The following ITPK1 variants were observed in gnomAD, a reference collection of about 807,000 sequenced individuals.
ITPK1 encodes inositol 1,3,4-trisphosphate 5/6-kinase.
ITPK1 carries 21 observed loss-of-function variants against 45.3 expected under a neutral mutation model. That is an observed-to-expected ratio of 0.46 (90% confidence interval 0.33 to 0.67). The LOEUF (loss-of-function observed/expected upper bound fraction) is 0.67, where lower values mean the gene tolerates loss of function less well. ITPK1 is among the 30% of genes least tolerant of loss of function. ITPK1 has a pLI of 0.02. For synonymous variants in ITPK1, 258 were observed against 253.6 expected (o/e 1.02, Z -0.16); for missense variants, 474 against 573.5 (o/e 0.83, Z 1.77).
At chr14:92,954,160 G>A (rs1280101948) in intron 8 of ITPK1, among the ~76,000 whole-genome samples, 1 of 152,240 alleles carries the variant, frequency 6.6e-6, no homozygotes, top group East Asian at 1.9e-4. Context: ...CTCCCAAAGT[G>A]CTGGGGATAT....
chr14:92,988,266 G>A (rs1411016761), intron 5 of ITPK1, among the ~76,000 whole-genome samples: 1 of 152,180 alleles, frequency 6.6e-6, no homozygotes, highest in Admixed American at 6.5e-5. Context: ...ACTGGGGGAG[G>A]CATGGGCAGG....
chr14:92,966,863 A>C (rs1885396455), intron 5 of ITPK1, among the ~76,000 whole-genome samples: 1 of 152,282 alleles, frequency 6.6e-6, no homozygotes, highest in Non-Finnish European at 1.5e-5. Context: ...TCGTTTCAAC[A>C]AATGGTGCTT....
rs1889312462 is a variant in ITPK1 at position 93,036,234 on chromosome 14, G to A, written c.121-19433C>T. On this transcript the variant is annotated intron_variant, in intron 3 of 10. Transcript: ENST00000267615. The surrounding 1 kb of genome is among the most constrained non-coding windows in gnomAD (Gnocchi z 4.1). ...ACACTGTCCCCGTCCTACTGGGAAGGGCCGCTCCTATAGCAACCAGCCCTG... is the reference window on the plus strand; with the variant it reads ...ACACTGTCCCCGTCCTACTGGGAAGAGCCGCTCCTATAGCAACCAGCCCTG... Among the ~76,000 whole-genome samples the A allele has an allele frequency of 6.6e-6, 1 of 152,152 alleles. No homozygotes were observed. Among genetic ancestry groups the A allele is most frequent in the Non-Finnish European group, 1.5e-5 (1 of 68,018 alleles).
chr14:92,984,235 G>A (rs1886380727), intron 5 of ITPK1, among the ~76,000 whole-genome samples: 1 of 152,172 alleles, frequency 6.6e-6, no homozygotes, highest in South Asian at 2.1e-4. Context: ...CTAATACAGG[G>A]AACTCAAGAA....
At chr14:92,956,694 G>T (rs540559557) in intron 8 of ITPK1, among the ~76,000 whole-genome samples, 33 of 152,322 alleles carry the variant, frequency 2.2e-4, no homozygotes, top group Admixed American at 1.9e-3. Context: ...GGTAAAAACA[G>T]AAAGGAGTTG....
At chr14:93,081,558 C>T (rs1439069554) in intron 2 of ITPK1, among the ~76,000 whole-genome samples, 2 of 152,178 alleles carry the variant, frequency 1.3e-5, no homozygotes, top group Admixed American at 6.5e-5. Flanking sequence ...GAGCACGAAC[C>T]CTTCAGGAAG....
In ITPK1 at chr14:92,941,835, C is replaced by T. The variant is rs753217755; in HGVS notation, c.971G>A (p.Ser324Asn). Residue 324 changes from serine to asparagine, a missense_variant, in exon 11 of 11, where the codon AGC (serine) becomes AAC (asparagine). Ser to Asn is a conservative substitution (Grantham distance 46). Around this residue, in one of 2 missense-constraint regions of ITPK1, gnomAD observed 367 missense variants for 480.6 expected, o/e 0.76. Coordinates refer to ENST00000267615, the MANE Select transcript of ITPK1 (RefSeq NM_014216.6). ...GTCCCCTGTGGCTGCCATGGCTGTGCTCTGGCCCTGCAGGACAGTGGCGAT... is the reference window on the plus strand; with the variant it reads ...GTCCCCTGTGGCTGCCATGGCTGTGTTCTGGCCCTGCAGGACAGTGGCGAT... ...NHIATVLQGQ[S>N]TAMAATGDVA... is the part of the protein sequence containing the mutation. 8.7e-6 allele frequency: 14 copies of T among 1,612,402 alleles called. No homozygotes were observed. Among genetic ancestry groups the T allele is most frequent in the African/African-American group, 1.3e-5 (1 of 75,050 alleles).
chr14:92,973,821 A>T (rs1885787969), intron 5 of ITPK1, among the ~76,000 whole-genome samples: 1 of 152,226 alleles, frequency 6.6e-6, no homozygotes, highest in Non-Finnish European at 1.5e-5. Context: ...CGACAGAGAG[A>T]CAGAGGTGGT....
intron 2 of ITPK1, among the ~76,000 whole-genome samples, chr14:93,104,462 C>CAAAA (rs35034223): frequency 1.4e-5 from 2 of 145,944 alleles, no homozygotes; most frequent in African/African-American, 5.0e-5. Context: ...AACTCCATCT[C>CAAAA]AAAAAAAAAA....
intron 3 of ITPK1, among the ~76,000 whole-genome samples, chr14:93,043,564 G>A (rs536589288): frequency 6.6e-6 from 1 of 151,920 alleles, no homozygotes; most frequent in East Asian, 1.9e-4. Flanking sequence ...TCCCTGCCCC[G>A]CCCAGCCCCA....
chr14:92,967,334 G>A (rs1051809815), intron 5 of ITPK1, among the ~76,000 whole-genome samples: 20 of 152,120 alleles, frequency 1.3e-4, no homozygotes, highest in East Asian at 3.8e-4. Context: ...ATTAGCCATC[G>A]GGGAAATGCA....
intron 4 of ITPK1, chr14:92,999,006 G>GT (rs1887198103): frequency 6.6e-6 from 1 of 152,162 alleles, no homozygotes. Context: ...ATAAATCTTC[G>GT]TGACCTTGGA....
chr14:92,968,934 A>C (rs556274854), intron 5 of ITPK1, among the ~76,000 whole-genome samples: 2 of 152,282 alleles, frequency 1.3e-5, no homozygotes, highest in East Asian at 3.9e-4. Flanking sequence ...GAGCCCACAG[A>C]GCACATGCTG....
intron 2 of ITPK1, among the ~76,000 whole-genome samples, chr14:93,097,037 A>T (rs1892107337): frequency 6.6e-6 from 1 of 152,194 alleles, no homozygotes; most frequent in African/African-American, 2.4e-5. Context: ...CTGAATGATG[A>T]CAGTTGTTCC....
intron 5 of ITPK1, among the ~76,000 whole-genome samples, chr14:92,963,683 C>A (rs761098105): frequency 9.9e-5 from 15 of 152,242 alleles, no homozygotes; most frequent in Non-Finnish European, 1.6e-4. Context: ...CTAAAACCCT[C>A]AAAAGCTGAC....
chr14:93,067,717 T>A (rs1261401001), intron 3 of ITPK1: 1 of 152,436 alleles, frequency 6.6e-6, no homozygotes, highest in African/African-American at 2.4e-5. Flanking sequence ...GGAGAACTGC[T>A]ATGAGCAGAC....
chr14:93,001,250 C>T lies in ITPK1; in HGVS notation c.247-7253G>A, dbSNP rs969227927. 3.3e-5 allele frequency among the ~76,000 whole-genome samples: 5 copies of T among 152,062 alleles called. No homozygotes were observed. In the South Asian group the frequency reaches 1.0e-3, roughly 32 times the overall value. On this transcript the variant is annotated intron_variant, in intron 4 of 10. Coordinates refer to ENST00000267615, the MANE Select transcript of ITPK1 (RefSeq NM_014216.6). ...AGAGGTTGCATGAGCTGAGATTGTG[C>T]CACTGCACTCCAGCCTGGGTGACAG...
intron 5 of ITPK1, among the ~76,000 whole-genome samples, chr14:92,987,349 G>A (rs888969367): frequency 3.9e-5 from 6 of 152,172 alleles, no homozygotes; most frequent in Admixed American, 3.9e-4. Flanking sequence ...CGTGCTCCCT[G>A]AGGCCCTGTC....
intron 3 of ITPK1, among the ~76,000 whole-genome samples, chr14:93,055,744 C>T (rs1017184337): frequency 6.6e-6 from 1 of 152,192 alleles, no homozygotes; most frequent in Non-Finnish European, 1.5e-5. Context: ...GCCAGTCAGG[C>T]CTCAGGTAGA....
Sources: gnomAD v4.1 joint callset for allele counts (sites outside exome capture counted in the v4.1 genomes callset) on GRCh38, gnomAD v4.1.1 for gene constraint, gnomAD v4.1.1 regional missense constraint, Gnocchi (gnomAD v3.1) non-coding constraint, MANE v1.5 for transcripts, NCBI Gene and HGNC (gene_info 2026-07-23, HGNC 2026-07-21) for gene names.